DYNC1H1: variants seen among roughly 807,000 people sequenced by gnomAD.
DYNC1H1 encodes cytoplasmic dynein 1 heavy chain 1.
Under a neutral mutation model 527.1 loss-of-function variants are expected in DYNC1H1, and 51 were observed. The observed-to-expected ratio is 0.10, with a 90% CI of 0.08 to 0.12. DYNC1H1 has a LOEUF of 0.12. DYNC1H1 is among the 10% of genes least tolerant of loss of function. The pLI, the probability that DYNC1H1 is intolerant of heterozygous loss-of-function variation, is 1.00. For synonymous variants in DYNC1H1, 2,189 were observed against 2,278.8 expected, an observed-to-expected ratio of 0.96 and a Z score of 1.12; for missense variants, 2,771 against 5,971.8, an observed-to-expected ratio of 0.46 and a Z score of 17.66.
intron 34 of DYNC1H1, among the ~76,000 whole-genome samples, chr14:102,014,243 T>TG (rs1242475550): frequency 6.6e-6 from 1 of 152,140 alleles, no homozygotes; most frequent in African/African-American, 2.4e-5. Context: ...ATCTTTAAAC[T>TG]GGAGGTGAGG....
intron 1 of DYNC1H1, among the ~76,000 whole-genome samples, chr14:101,973,796 A>G (rs146288784): frequency 6.6e-6 from 1 of 152,284 alleles, no homozygotes; most frequent in African/African-American, 2.4e-5. Flanking sequence ...AGAGCAAGAC[A>G]TTGTCTCTAA....
chr14:102,042,628 C>T lies in DYNC1H1; in HGVS notation c.12400-7C>T, dbSNP rs1259288755. On this transcript the variant is annotated splice_region_variant and splice_polypyrimidine_tract_variant and intron_variant, in intron 68 of 77. Transcript: ENST00000360184. The surrounding 1 kb of genome is among the most constrained non-coding windows in gnomAD (Gnocchi z 5.7). ...CCGAGCATAACTGGAACGGCGCTCT[C>T]CCTTAGGTGCCTGTGAATCTGCTCC... 1 of 1,614,044 alleles carries T rather than the reference C, an allele frequency of 6.2e-7. No individual in the cohort carries two copies. The highest frequency in any genetic ancestry group is 2.2e-5 in the East Asian group (1 of 44,890).
intron 72 of DYNC1H1, among the ~76,000 whole-genome samples, chr14:102,045,985 T>A (rs2048712301): frequency 6.6e-6 from 1 of 151,758 alleles, no homozygotes; most frequent in Non-Finnish European, 1.5e-5. Context: ...GCTAACACGG[T>A]GAAACCCCGT....
At position 102,008,420 on chromosome 14, in the gene DYNC1H1, G is replaced by A. The variant is rs535770342; in HGVS notation, c.5977+83G>A. On this transcript the variant is annotated intron_variant, in intron 29 of 77. Transcript: ENST00000360184. ...AACTAATTTTCTACCTCTTGGATTA[G>A]AAATAAGCAAGAATTTAGCTCACAG... The A allele has an allele frequency of 3.9e-6, 6 of 1,541,468 alleles. No homozygotes were observed. In the South Asian group the frequency reaches 5.9e-5, roughly 15 times the overall value.
At chr14:101,968,649 A>G (rs2047694894) in intron 1 of DYNC1H1, among the ~76,000 whole-genome samples, 1 of 151,198 alleles carries the variant, frequency 6.6e-6, no homozygotes, top group Non-Finnish European at 1.5e-5. Flanking sequence ...CGCATCCTCA[A>G]CCTCCGGTCT....
intron 11 of DYNC1H1, among the ~76,000 whole-genome samples, chr14:101,993,251 C>T (rs10142316): frequency 0.041 from 6,274 of 152,162 alleles, 344 homozygotes; most frequent in African/African-American, 0.12. Flanking sequence ...GGCACCACTC[C>T]GTACAAGGTA....
At position 102,033,921 on chromosome 14, in the gene DYNC1H1, G is replaced by A. The variant is rs555025373; in HGVS notation, c.10414-55G>A. The A allele has an allele frequency of 4.1e-5, 65 of 1,580,932 alleles. No homozygotes were observed. Among genetic ancestry groups the A allele is most frequent in the African/African-American group, 5.4e-5 (4 of 74,336 alleles). ...GTGGATGAACCGATTTGCAGGATTC[G>A]GTATAAATCCTGAAAGGCCTCATCC... On this transcript the variant is annotated intron_variant, in intron 54 of 77. Coordinates refer to ENST00000360184, the MANE Select transcript of DYNC1H1 (RefSeq NM_001376.5). The surrounding 1 kb of genome is among the most constrained non-coding windows in gnomAD (Gnocchi z 5.6).
intron 43 of DYNC1H1, chr14:102,023,219 G>A (rs928469080): frequency 1.1e-4 from 41 of 364,138 alleles, no homozygotes; most frequent in Non-Finnish European, 1.9e-4. Context: ...TGCAGCCTGG[G>A]TAAAAGAGCA....
Position 102,002,677 on chromosome 14 carries a change from G to T in DYNC1H1, c.4683G>T (p.Leu1561=), listed in dbSNP as rs779576586. The T allele has an allele frequency of 6.2e-7, 1 of 1,614,250 alleles. No homozygotes were observed. Among genetic ancestry groups the T allele is most frequent in the Non-Finnish European group, 8.5e-7 (1 of 1,180,046 alleles). The change falls in exon 22 of 78, where the codon CTG becomes CTT. Residue 1561 remains leucine (L), a synonymous_variant. Coordinates refer to ENST00000360184, the MANE Select transcript of DYNC1H1 (RefSeq NM_001376.5). The surrounding 1 kb of genome is among the most constrained non-coding windows in gnomAD (Gnocchi z 4.4). ...FTGSADIKHL[L]PVETQRFQSI... The stretch of plus-strand genomic sequence containing the variant: ...GCAGTGCAGATATCAAGCACCTGCT[G>T]CCAGTGGAAACCCAGCGGTTTCAGA...
Position 102,002,410 on chromosome 14 carries a change from T to G in DYNC1H1, c.4543-127T>G. ...ACAGGCGTGAGCCACCACACCCGTC[T>G]ACTTGTTGTTTAAAATGTGAATCAG... On this transcript the variant is annotated intron_variant, in intron 21 of 77. Transcript: ENST00000360184. The surrounding 1 kb of genome is among the most constrained non-coding windows in gnomAD (Gnocchi z 4.4). 1 of 1,324,304 alleles carries G rather than the reference T, an allele frequency of 7.6e-7. No individual in the cohort carries two copies. Among genetic ancestry groups the G allele is most frequent in the Middle Eastern group, 2.6e-4 (1 of 3,846 alleles). The allele number at this position is 1,324,304 out of a possible 1,614,324, so 82.0% of individuals were successfully genotyped here. A position where few individuals can be genotyped will look rare whatever the true frequency, so the allele number is the denominator to read the frequency against.
Position 102,033,905 on chromosome 14 carries a change from C to A in DYNC1H1, c.10414-71C>A. ...AAACCCTGCACATAATGTGGATGAACCGATTTGCAGGATTCGGTATAAATC... is the reference window on the plus strand; with the variant it reads ...AAACCCTGCACATAATGTGGATGAAACGATTTGCAGGATTCGGTATAAATC... On this transcript the variant is annotated intron_variant, in intron 54 of 77. Transcript: ENST00000360184. This position sits in a 1 kb window ranked among gnomAD's most constrained non-coding sequence, Gnocchi z 5.6. The A allele has an allele frequency of 6.4e-7, 1 of 1,550,538 alleles. No homozygotes were observed. Among genetic ancestry groups the A allele is most frequent in the Non-Finnish European group, 8.9e-7 (1 of 1,129,612 alleles).
chr14:102,041,521 C>T lies in DYNC1H1; in HGVS notation c.11942-53C>T, dbSNP rs1225619304. The T allele has an allele frequency of 1.2e-6, 2 of 1,611,408 alleles. No individual in the cohort carries two copies. Among genetic ancestry groups the T allele is most frequent in the Non-Finnish European group, 8.5e-7 (1 of 1,179,258 alleles). The stretch of plus-strand genomic sequence containing the variant: ...GAAGAACAGTCCAGGCAGGGGAGGG[C>T]GTCTCTGAGTCCATGCTTCCACCCA... On this transcript the variant is annotated intron_variant, in intron 64 of 77. Transcript: ENST00000360184. This position sits in a 1 kb window ranked among gnomAD's most constrained non-coding sequence, Gnocchi z 4.5.
At chr14:101,975,910 CTTT>C (rs375223030) in intron 2 of DYNC1H1, 111 bp downstream of exon 2, 323 of 679,334 alleles carry the variant, frequency 4.8e-4, no homozygotes, top group East Asian at 6.2e-4. Context: ...TAATATAAAT[CTTT>C]TTTTTTTTTT....
rs1264893844 is a variant in DYNC1H1 at position 102,044,453 on chromosome 14, C to T, written c.12864C>T (p.Val4288=). The part of the protein sequence containing the change: ...FDSEFKLACK[V]DGHKDIQMPD... ...GTGAGTTTAAGCTGGCATGCAAGGTCGACGGACATAAAGACATTCAAATGC... is the reference window on the plus strand; with the variant it reads ...GTGAGTTTAAGCTGGCATGCAAGGTTGACGGACATAAAGACATTCAAATGC... Residue 4288 remains valine, a synonymous_variant, in exon 71 of 78, where the codon GTC becomes GTT. Transcript: ENST00000360184. This position sits in a 1 kb window ranked among gnomAD's most constrained non-coding sequence, Gnocchi z 7.1. The T allele has an allele frequency of 9.9e-6, 16 of 1,614,018 alleles. No homozygotes were observed. The Middle Eastern group carries it at 6.6e-4, about 66-fold the overall frequency.
rs778113601 is a variant in DYNC1H1, at chr14:102,017,325, C to A, written c.8055+31C>A. 2.0e-5 allele frequency: 32 copies of A among 1,614,076 alleles called. No individual in the cohort carries two copies. The Admixed American group carries it at 4.2e-4, about 21-fold the overall frequency. ...TTTCTATCCACAAGGCCCTTCCTGC[C>A]CCACAATGTTTCTTGTTCAAGTTTT... On this transcript the variant is annotated intron_variant, in intron 39 of 77. Coordinates refer to ENST00000360184, the MANE Select transcript of DYNC1H1 (RefSeq NM_001376.5). The surrounding 1 kb of genome is among the most constrained non-coding windows in gnomAD (Gnocchi z 4.6).
chr14:101,964,882 A>C lies in DYNC1H1; in HGVS notation c.191A>C (p.Gln64Pro). Residue 64 changes from glutamine (Q) to proline (P), a missense_variant, in exon 1 of 78, where the codon CAG (glutamine) becomes CCG (proline). Transcript: ENST00000360184. The surrounding 1 kb of genome is among the most constrained non-coding windows in gnomAD (Gnocchi z 5.5). ...CTGGAGGAGAAGAGCGCCCTGGAGC[A>C]GATGCGCAAGTTCCTTTCGGACCCG... Reference protein sequence around the residue: ...AALEEKSALEQMRKFLSDPQV... With the variant: ...AALEEKSALEPMRKFLSDPQV... The C allele has an allele frequency of 3.1e-6, 5 of 1,599,838 alleles. No individual in the cohort carries two copies. Among genetic ancestry groups the C allele is most frequent in the Non-Finnish European group, 4.3e-6 (5 of 1,174,294 alleles).
chr14:102,036,131 G>T lies in DYNC1H1; in HGVS notation c.10755-358G>T. ...TATAATGTTAATCCCTTGCTGCTGC[G>T]ACATCATTGATGTTGATACGTGCTG... is the stretch of plus-strand genomic sequence containing the variant. On this transcript the variant is annotated intron_variant, in intron 56 of 77. Transcript: ENST00000360184. The surrounding 1 kb of genome is among the most constrained non-coding windows in gnomAD (Gnocchi z 5.6). 3.5e-6 allele frequency: 1 copy of T among 285,778 alleles called. No homozygotes were observed. The highest frequency in any genetic ancestry group is 6.9e-6 in the Non-Finnish European group (1 of 144,862). The allele number at this position is 285,778 out of a possible 1,614,324, so 17.7% of individuals were successfully genotyped here.
intron 1 of DYNC1H1, among the ~76,000 whole-genome samples, chr14:101,968,968 T>C (rs1331546355): frequency 6.6e-6 from 1 of 152,244 alleles, no homozygotes; most frequent in Non-Finnish European, 1.5e-5. Flanking sequence ...AAATGTTTTC[T>C]GGTTAAGTGG....
chr14:102,044,082 G>T lies in DYNC1H1; in HGVS notation c.12684+37G>T. ...CCATGCCAGGACAGACAGTGGACGT[G>T]TATCTGGGAAGGATGCTGCAGGGCG... is the stretch of plus-strand genomic sequence containing the variant. On this transcript the variant is annotated intron_variant, in intron 70 of 77. Coordinates refer to ENST00000360184, the MANE Select transcript of DYNC1H1 (RefSeq NM_001376.5). The surrounding 1 kb of genome is among the most constrained non-coding windows in gnomAD (Gnocchi z 7.1). 1.2e-6 allele frequency: 2 copies of T among 1,610,998 alleles called. No homozygotes were observed. Among genetic ancestry groups the T allele is most frequent in the Non-Finnish European group, 1.7e-6 (2 of 1,179,772 alleles).
Sources: gnomAD v4.1 joint callset for allele counts (sites outside exome capture counted in the v4.1 genomes callset) on GRCh38, gnomAD v4.1.1 for gene constraint, Gnocchi (gnomAD v3.1) non-coding constraint, MANE v1.5 for transcripts, NCBI Gene and HGNC (gene_info 2026-07-23, HGNC 2026-07-21) for gene names.